Variants in RP1 observed in about 807,000 individuals in gnomAD.
RP1 encodes oxygen-regulated protein 1.
A neutral mutation model predicts 14.8 loss-of-function variants in RP1; 16 were observed. The ratio of observed to expected loss-of-function variants is 1.08; its 90% CI spans 0.73 to 1.65. RP1 has a LOEUF of 1.65. RP1 is among the 40% of genes most tolerant of loss of function. The pLI is 0.00. For synonymous variants in RP1, 876 were observed against 883.6 expected, an observed-to-expected ratio of 0.99 and a Z score of 0.15; for missense variants, 2,631 against 2,535.0, an observed-to-expected ratio of 1.04 and a Z score of -0.81.
At chr8:54,613,351 C>T (rs1805641167), upstream of RP1, among the ~76,000 whole-genome samples, 1 of 152,086 alleles carries the variant, frequency 6.6e-6, no homozygotes, top group South Asian at 2.1e-4. Flanking sequence ...CTTGGGCCTG[C>T]CTGGAAAGGT....
chr8:54,612,281 G>A (rs10112903), upstream of RP1, among the ~76,000 whole-genome samples: 35,184 of 152,126 alleles, frequency 0.23, 5,226 homozygotes, highest in East Asian at 0.42. Flanking sequence ...AGTATTTGGA[G>A]GAGGGAGTTC....
intron 24 of RP1, among the ~76,000 whole-genome samples, chr8:54,834,625 A>G (rs1811613700): frequency 7.4e-6 from 1 of 135,120 alleles, no homozygotes; most frequent in East Asian, 2.2e-4. Context: ...AGAGGAGAAG[A>G]GTATCATTTT....
At chr8:54,756,521 A>G (rs1183870692) in intron 21 of RP1, among the ~76,000 whole-genome samples, 1 of 152,224 alleles carries the variant, frequency 6.6e-6, no homozygotes, top group East Asian at 1.9e-4. Context: ...ATTACACAAA[A>G]GCTTTCATCA....
intron 24 of RP1, among the ~76,000 whole-genome samples, chr8:54,784,075 T>G (rs1810258049): frequency 6.6e-6 from 1 of 152,144 alleles, no homozygotes; most frequent in East Asian, 1.9e-4. Flanking sequence ...ACAAGCACAC[T>G]AACACATATG....
At chr8:54,671,649 A>G (rs78140174) in intron 7 of RP1, among the ~76,000 whole-genome samples, 2,147 of 152,212 alleles carry the variant, frequency 0.014, 58 homozygotes, top group African/African-American at 0.049. Context: ...CACTAATTAT[A>G]TTAACAGCTG....
Position 54,626,411 on chromosome 8 carries a change from A to T in RP1, c.2529A>T (p.Ala843=), listed in dbSNP as rs750369478. Residue 843 remains alanine (A), a synonymous_variant, in exon 4 of 4, where the codon GCA becomes GCT. Transcript: ENST00000220676. Reference sequence around the variant, plus strand: ...CACCGCAATCTCAAGCAGAAGTGGCATCTGGGTATTTGAGAGGAATGGCAA... The same window carrying T: ...CACCGCAATCTCAAGCAGAAGTGGCTTCTGGGTATTTGAGAGGAATGGCAA... ...FYAPQSQAEV[A]SGYLRGMAKK... is the part of the protein sequence containing the mutation. 4 of 1,613,556 alleles carry T rather than the reference A, an allele frequency of 2.5e-6. No individual in the cohort carries two copies. In the Admixed American group the frequency reaches 6.7e-5, roughly 27 times the overall value.
In RP1 at chr8:54,697,793, G is replaced by T. The variant is rs181639016; in HGVS notation, c.1718-1674G>T. ...CTGACAAAAACAAGCAATGGGGAGAGGATTCCCTATTTAATAAATGGTGCT... is the reference window on the plus strand; with the variant it reads ...CTGACAAAAACAAGCAATGGGGAGATGATTCCCTATTTAATAAATGGTGCT... On this transcript the variant is annotated intron_variant, in intron 12 of 22. Coordinates refer to the RP1 transcript ENST00000636932. Among the ~76,000 whole-genome samples, 11 of 152,238 alleles carry T rather than the reference G, an allele frequency of 7.2e-5. 1 individual carries two copies. Among genetic ancestry groups the T allele is most frequent in the Non-Finnish European group, 1.6e-4 (11 of 68,022 alleles).
chr8:54,676,511 T>C (rs1807297872), intron 8 of RP1, among the ~76,000 whole-genome samples: 1 of 152,126 alleles, frequency 6.6e-6, no homozygotes, highest in Non-Finnish European at 1.5e-5. Context: ...AGGCAGATAA[T>C]CCGAGAAGAT....
At chr8:54,636,860 G>A (rs932920030) in intron 3 of RP1, among the ~76,000 whole-genome samples, 13 of 152,188 alleles carry the variant, frequency 8.5e-5, no homozygotes, top group African/African-American at 3.1e-4. Context: ...GTTTGTTTTA[G>A]ACATATATTT....
intron 25 of RP1, among the ~76,000 whole-genome samples, chr8:54,843,043 G>A (rs1452892940): frequency 6.6e-6 from 1 of 151,960 alleles, no homozygotes; most frequent in East Asian, 1.9e-4. Flanking sequence ...TTCTCTCTAC[G>A]GCTCAGACGT....
chr8:54,659,686 A>G (rs1355747997), intron 6 of RP1, among the ~76,000 whole-genome samples: 1 of 152,120 alleles, frequency 6.6e-6, no homozygotes. Flanking sequence ...TCATTTCAAG[A>G]TTGTTTTGAC....
At chr8:54,720,060 A>G (rs1808497970) in intron 15 of RP1, 1 of 1,233,212 alleles carries the variant, frequency 8.1e-7, no homozygotes, top group Non-Finnish European at 1.1e-6. Flanking sequence ...TTCTTTTAAA[A>G]CGACTGGTTT....
intron 1 of RP1, among the ~76,000 whole-genome samples, chr8:54,579,446 G>A (rs1450236193): frequency 1.3e-5 from 2 of 148,166 alleles, no homozygotes; most frequent in Admixed American, 6.8e-5. Context: ...CTCTTGTCAC[G>A]TTGAGTGATG....
intron 24 of RP1, among the ~76,000 whole-genome samples, chr8:54,821,202 A>G (rs1757289382): frequency 6.6e-6 from 1 of 152,168 alleles, no homozygotes; most frequent in South Asian, 2.1e-4. Flanking sequence ...ACAAGGGGAA[A>G]TATAGTAATA....
Position 54,629,642 on chromosome 8 carries a change from A to G in RP1, c.5760A>G (p.Ile1920Met). The G allele has an allele frequency of 6.2e-7, 1 of 1,613,966 alleles. No homozygotes were observed. Among genetic ancestry groups the G allele is most frequent in the Non-Finnish European group, 8.5e-7 (1 of 1,179,998 alleles). Residue 1920 changes from isoleucine (I) to methionine (M), a missense_variant, in exon 4 of 4, where the codon ATA (isoleucine) becomes ATG (methionine). Coordinates refer to ENST00000220676, the MANE Select transcript of RP1 (RefSeq NM_006269.2). ...LYALCGQHCPILTVIIQPMNE... is the reference protein window; with the variant it reads ...LYALCGQHCPMLTVIIQPMNE... ...CTCTTTGTGGTCAACATTGCCCAAT[A>G]CTAACTGTTATTATCCAACCCATGA...
chr8:54,688,674 A>C (rs961660297), intron 12 of RP1, among the ~76,000 whole-genome samples: 12 of 151,948 alleles, frequency 7.9e-5, no homozygotes, highest in Admixed American at 1.3e-4. Flanking sequence ...TGGTCTATAT[A>C]TCTGTTTTGG....
At chr8:54,742,870 T>C (rs1809132275) in intron 19 of RP1, among the ~76,000 whole-genome samples, 1 of 152,180 alleles carries the variant, frequency 6.6e-6, no homozygotes, top group African/African-American at 2.4e-5. Flanking sequence ...GCAACATCAC[T>C]ACGTAGTGAT....
intron 24 of RP1, among the ~76,000 whole-genome samples, chr8:54,812,404 G>C (rs1291974180): frequency 1.3e-5 from 2 of 152,178 alleles, no homozygotes; most frequent in African/African-American, 4.8e-5. Context: ...GTCTCCTAAA[G>C]TGCTGGGATT....
intron 24 of RP1, among the ~76,000 whole-genome samples, chr8:54,826,790 C>A (rs1403563476): frequency 6.6e-6 from 1 of 152,132 alleles, no homozygotes; most frequent in Non-Finnish European, 1.5e-5. Flanking sequence ...TACAGCCATG[C>A]CTTGCTTAAT....
Sources: gnomAD v4.1 joint callset for allele counts (sites outside exome capture counted in the v4.1 genomes callset) on GRCh38, gnomAD v4.1.1 for gene constraint, MANE v1.5 for transcripts, NCBI Gene and HGNC (gene_info 2026-07-23, HGNC 2026-07-21) for gene names.